GRIN1: variants seen among roughly 807,000 people sequenced by gnomAD.
GRIN1 encodes the protein glutamate ionotropic receptor NMDA type subunit 1.
In GRIN1, 38 loss-of-function variants were observed where a neutral mutation model predicts 103.0. The ratio of observed to expected loss-of-function variants is 0.37; its 90% CI spans 0.28 to 0.48. The LOEUF (loss-of-function observed/expected upper bound fraction) is 0.48, where lower values mean the gene tolerates loss of function less well. GRIN1 is among the 20% of genes least tolerant of loss of function. The pLI is 0.98. For missense variants in GRIN1, 577 were observed against 1,288.9 expected (o/e 0.45, Z 8.46); for synonymous variants, 544 against 532.7 (o/e 1.02, Z -0.29).
chr9:137,154,141 G>T (rs759359466), intron 4 of GRIN1, among the ~76,000 whole-genome samples: 21 of 141,216 alleles, frequency 1.5e-4, no homozygotes, highest in Non-Finnish European at 2.6e-4. Context: ...TTGTGTGTGT[G>T]TGTGAGACAG....
rs1437986201 is a variant in GRIN1, at chr9:137,146,069, G to A, written c.570+167G>A. On this transcript the variant is annotated intron_variant, in intron 3 of 19. Coordinates refer to ENST00000371561, the MANE Select transcript of GRIN1 (RefSeq NM_007327.4). The surrounding 1 kb of genome is among the most constrained non-coding windows in gnomAD (Gnocchi z 6.7). The stretch of plus-strand genomic sequence containing the variant: ...AGCCTGTCCTCGGCTCATTTCACTC[G>A]CTTTTGCCATTAGTCGAAATCTCCT... Among the ~76,000 whole-genome samples the A allele has an allele frequency of 6.6e-6, 1 of 152,116 alleles. No homozygotes were observed. Among genetic ancestry groups the A allele is most frequent in the African/African-American group, 2.4e-5 (1 of 41,414 alleles).
intron 3 of GRIN1, chr9:137,148,040 C>T (rs1832648495): frequency 1.4e-6 from 1 of 695,832 alleles, no homozygotes; most frequent in Non-Finnish European, 2.4e-6. Flanking sequence ...AGGTAGGAGC[C>T]CGTCTGCAGA....
rs979076099 is a variant in GRIN1, at chr9:137,148,486, G to A, written c.571-523G>A. ...CTCCGGGAAGTGCATGCGAATCTCC[G>A]AGACCCCAAGGGTTTCCTCGTGGAA... On this transcript the variant is annotated intron_variant, in intron 3 of 19. Coordinates refer to ENST00000371561, the MANE Select transcript of GRIN1 (RefSeq NM_007327.4). Among the ~76,000 whole-genome samples the A allele has an allele frequency of 3.3e-5, 5 of 152,180 alleles. No homozygotes were observed. In the South Asian group the frequency reaches 1.0e-3, roughly 32 times the overall value.
chr9:137,165,929 C>T (rs1024250072), intron 19 of GRIN1, among the ~76,000 whole-genome samples: 5 of 152,184 alleles, frequency 3.3e-5, no homozygotes, highest in East Asian at 1.9e-4. Context: ...TCTGGGTGGA[C>T]GGCTGGGGCC....
At chr9:137,150,107 A>C (rs969554141) in intron 4 of GRIN1, among the ~76,000 whole-genome samples, 2 of 152,208 alleles carry the variant, frequency 1.3e-5, no homozygotes, top group Non-Finnish European at 2.9e-5. Context: ...CTCCTCCTGC[A>C]GCTGCTATAA....
chr9:137,158,317 G>T, intron 6 of GRIN1, 62 bp from the exon 7 acceptor site: 1 of 1,563,454 alleles, frequency 6.4e-7, no homozygotes, highest in Non-Finnish European at 8.8e-7. Flanking sequence ...CAGGGGGAAG[G>T]AGCAGGGAGG....
At position 137,161,375 on chromosome 9, in the gene GRIN1, G is replaced by T; in HGVS notation, c.1426G>T (p.Val476Leu). 2 of 1,612,516 alleles carry T rather than the reference G, an allele frequency of 1.2e-6. No homozygotes were observed. Among genetic ancestry groups the T allele is most frequent in the Non-Finnish European group, 8.5e-7 (1 of 1,179,796 alleles). Reference sequence around the variant, plus strand: ...ACGGACCATGAACTTCACCTACGAGGTGCACCTGGTGGCAGATGGCAAGTT... The same window carrying T: ...ACGGACCATGAACTTCACCTACGAGTTGCACCTGGTGGCAGATGGCAAGTT... ...LARTMNFTYE[V>L]HLVADGKFGT... The change falls in exon 10 of 20, where the codon GTG becomes TTG. Residue 476 changes from valine to leucine, a missense_variant. Val to Leu is a conservative substitution (Grantham distance 32). Coordinates refer to ENST00000371561, the MANE Select transcript of GRIN1 (RefSeq NM_007327.4).
intron 6 of GRIN1, 24 bp from the exon 7 acceptor site, chr9:137,158,355 C>T (rs1833351135): frequency 1.2e-6 from 2 of 1,611,998 alleles, no homozygotes; most frequent in African/African-American, 2.7e-5. Context: ...CTCTGAGAAG[C>T]CTCAGCTATG....
intron 10 of GRIN1, among the ~76,000 whole-genome samples, 165 bp downstream of exon 10, chr9:137,161,581 G>C (rs576385002): frequency 1.5e-5 from 2 of 137,840 alleles, no homozygotes; most frequent in East Asian, 2.2e-4. Flanking sequence ...CGTGGGTAAA[G>C]CATGGGGTGG....
intron 2 of GRIN1, 113 bp from the exon 3 acceptor site, chr9:137,145,613 G>A: frequency 1.3e-6 from 1 of 793,016 alleles, no homozygotes; most frequent in Non-Finnish European, 2.1e-6. Context: ...TGGGGACAGG[G>A]GTGGGAGGAG....
chr9:137,163,893 A>C lies in GRIN1; in HGVS notation c.2578A>C (p.Lys860Gln). The change falls in exon 18 of 20, where the codon AAG becomes CAG. Residue 860 changes from lysine (K) to glutamine (Q), a missense_variant. Lys to Gln is a moderately conservative substitution (Grantham distance 53, BLOSUM62 1). Around this residue, in one of 9 missense-constraint regions of GRIN1, gnomAD observed 68 missense variants for 113.0 expected, o/e 0.60. Coordinates refer to ENST00000371561, the MANE Select transcript of GRIN1 (RefSeq NM_007327.4). ...CTTTGCCGCCGTTAACGTGTGGCGG[A>C]AGAACCTGCAGGTAGGGCAGGCCAC... ...LAFAAVNVWR[K>Q]NLQDRKSGRA... is the part of the protein sequence containing the mutation. 1 of 1,612,768 alleles carries C rather than the reference A, an allele frequency of 6.2e-7. No individual in the cohort carries two copies. Among genetic ancestry groups the C allele is most frequent in the Non-Finnish European group, 8.5e-7 (1 of 1,179,860 alleles).
intron 4 of GRIN1, among the ~76,000 whole-genome samples, chr9:137,150,331 A>C (rs1425341877): frequency 6.6e-6 from 1 of 151,944 alleles, no homozygotes; most frequent in Non-Finnish European, 1.5e-5. Context: ...CGCCCAGAAA[A>C]AAAGACCCGC....
chr9:137,156,868 C>A lies in GRIN1; in HGVS notation c.799C>A (p.Leu267Ile), dbSNP rs201651458. The A allele has an allele frequency of 6.8e-6, 11 of 1,611,448 alleles. No individual in the cohort carries two copies. Among genetic ancestry groups the A allele is most frequent in the Non-Finnish European group, 9.3e-6 (11 of 1,179,422 alleles). The change falls in exon 6 of 20, where the codon CTC becomes ATC. Residue 267 changes from leucine (L) to isoleucine (I), a missense_variant. Transcript: ENST00000371561. The stretch of plus-strand genomic sequence containing the variant: ...TGAGTCGCATGCTCGCCTAGGCATC[C>A]TCGGGCTGCAGCTCATCAACGGCAA... The part of the protein sequence containing the change: ...NALRYAPDGI[L>I]GLQLINGKNE...
At chr9:137,156,550 G>A (rs1003026539) in intron 4 of GRIN1, 119 bp from the exon 5 acceptor site, 6 of 1,427,206 alleles carry the variant, frequency 4.2e-6, no homozygotes, top group South Asian at 1.2e-5. Flanking sequence ...TGCAGGCTTC[G>A]CTCTAGGAGG....
At chr9:137,148,799 C>T (rs931367070) in intron 3 of GRIN1, among the ~76,000 whole-genome samples, 46 of 152,170 alleles carry the variant, frequency 3.0e-4, no homozygotes, top group African/African-American at 8.9e-4. Flanking sequence ...CAGGTGAGCG[C>T]GCAGGCTGAA....
At chr9:137,147,597 G>T (rs1832622421) in intron 3 of GRIN1, among the ~76,000 whole-genome samples, 1 of 152,208 alleles carries the variant, frequency 6.6e-6, no homozygotes, top group Non-Finnish European at 1.5e-5. Flanking sequence ...ACACCCACAG[G>T]CGCATGCCAC....
intron 3 of GRIN1, among the ~76,000 whole-genome samples, chr9:137,147,654 C>G (rs754749809): frequency 6.6e-6 from 1 of 152,342 alleles, no homozygotes; most frequent in Non-Finnish European, 1.5e-5. Context: ...GGCGCATATG[C>G]GAGCCGAAGG....
At position 137,144,438 on chromosome 9, in the gene GRIN1, A is replaced by T. The variant is rs566070686; in HGVS notation, c.394-1288A>T. On this transcript the variant is annotated intron_variant, in intron 2 of 19. Transcript: ENST00000371561. Reference sequence around the variant, plus strand: ...GGGAGGCCGAGGCGGGCGGATCACGAGGTCAGGAGATCGAGACCATCCTGG... The same window carrying T: ...GGGAGGCCGAGGCGGGCGGATCACGTGGTCAGGAGATCGAGACCATCCTGG... 3.3e-5 allele frequency among the ~76,000 whole-genome samples: 5 copies of T among 151,518 alleles called. No homozygotes were observed. The South Asian group carries it at 6.3e-4, about 19-fold the overall frequency.
intron 4 of GRIN1, among the ~76,000 whole-genome samples, chr9:137,153,249 A>T (rs375892227): frequency 6.6e-6 from 1 of 151,664 alleles, no homozygotes; most frequent in Non-Finnish European, 1.5e-5. Context: ...ACGTGTACAC[A>T]CATGCACCAT....
Sources: allele counts gnomAD v4.1 joint callset (sites outside exome capture counted in the v4.1 genomes callset), GRCh38; gene constraint gnomAD v4.1.1; regional missense constraint gnomAD v4.1.1; non-coding constraint Gnocchi (gnomAD v3.1); transcripts MANE v1.5; gene names NCBI Gene and HGNC (gene_info 2026-07-23, HGNC 2026-07-21).